Variants in PNMA6F observed in about 807,000 individuals in gnomAD.
PNMA6F encodes the protein paraneoplastic antigen Ma6F.
For missense variants in PNMA6F, 57 were observed against 10.8 expected, an observed-to-expected ratio of 5.25 and a Z score of -5.98; for synonymous variants, 14 against 3.4, an observed-to-expected ratio of 4.15 and a Z score of -3.45.
At position 153,319,514 on chromosome X, in the gene PNMA6F, C is replaced by A. The variant is rs1350319020; in HGVS notation, c.1161G>T (p.Val387=). The part of the protein sequence containing the change: ...AMANHLRLRQ[V]LSRARPSEAL... ...CCTCGCTGGGGCGGGCCCGAGACAG[C>A]ACCTGCCGCAGTCGCAGGTGGTTGG... is the stretch of plus-strand genomic sequence containing the variant. Residue 387 remains valine, a synonymous_variant, in exon 2 of 2, where the codon GTG becomes GTT. Transcript: ENST00000436629. 2 of 297,179 alleles carry A rather than the reference C, an allele frequency of 6.7e-6. No individual in the cohort carries two copies. The highest frequency in any genetic ancestry group is 5.4e-5 in the African/African-American group (2 of 36,863). 24.5% of individuals were successfully genotyped at this position (297,179 alleles called of 1,213,427 possible).
Position 153,320,578 on chromosome X carries a change from C to A in PNMA6F, c.97G>T (p.Glu33Ter), listed in dbSNP as rs782324082. The change falls in exon 2 of 2, where the codon GAG becomes TAG. Residue 33 changes from glutamate (E) to a stop codon, truncating the protein, a stop_gained. Coordinates refer to ENST00000436629, the MANE Select transcript of PNMA6F (RefSeq NM_001354980.2). LOFTEE classifies it low-confidence loss of function (END_TRUNC). ...PDDCEEHEFQ[E>*]AVRAALSPLG... ...GGCGACAGGGCAGCCCGCACGGCCTCCTGGAACTCATGTTCCTCGCAGTCG... is the reference window on the plus strand; with the variant it reads ...GGCGACAGGGCAGCCCGCACGGCCTACTGGAACTCATGTTCCTCGCAGTCG... 2.2e-3 allele frequency: 637 copies of A among 295,665 alleles called. 2 individuals are homozygous for A. Among genetic ancestry groups the A allele is most frequent in the South Asian group, 3.8e-3 (18 of 4,776 alleles). The allele number at this position is 295,665 out of a possible 1,213,427, so 24.4% of individuals were successfully genotyped here. A position where few individuals can be genotyped will look rare whatever the true frequency, so the allele number is the denominator to read the frequency against.
intron 1 of PNMA6F, 29 bp from the exon 2 acceptor site, chrX:153,320,786 A>G: frequency 3.4e-6 from 1 of 294,585 alleles, no homozygotes; most frequent in Non-Finnish European, 5.9e-6. Context: ...GAGAGGGACG[A>G]CGTTGCTGCC....
Position 153,319,890 on chromosome X carries a change from G to C in PNMA6F, c.785C>G (p.Pro262Arg), listed in dbSNP as rs1361772121. 3.3e-6 allele frequency: 1 copy of C among 302,576 alleles called. No individual in the cohort carries two copies. Among genetic ancestry groups the C allele is most frequent in the Non-Finnish European group, 5.7e-6 (1 of 174,317 alleles). 24.9% of individuals were successfully genotyped at this position (302,576 alleles called of 1,213,427 possible). Reference protein sequence around the residue: ...ELRPFSGREQPGCVEESFESW... With the variant: ...ELRPFSGREQRGCVEESFESW... ...CTCAAAGGACTCTTCCACGCAGCCT[G>C]GCTGCTCCCTCCCGGAAAAGGGTCT... The change falls in exon 2 of 2, where the codon CCA (proline) becomes CGA (arginine). Residue 262 changes from proline (P) to arginine (R), a missense_variant. Physicochemically the swap from Pro to Arg is moderately radical, Grantham distance 103. Transcript: ENST00000436629.
rs782078301 is a variant in PNMA6F at position 153,318,532 on chromosome X, G to A, written c.*406C>T. 13 of 123,150 alleles carry A rather than the reference G, an allele frequency of 1.1e-4. No homozygotes were observed. Among genetic ancestry groups the A allele is most frequent in the South Asian group, 1.1e-3 (3 of 2,855 alleles). The allele number at this position is 123,150 out of a possible 1,213,427, so 10.1% of individuals were successfully genotyped here. On this transcript the variant is annotated 3_prime_UTR_variant, in exon 2 of 2. Coordinates refer to ENST00000436629, the MANE Select transcript of PNMA6F (RefSeq NM_001354980.2). ...GTGGGTGAGTGGGCGTCTGCTGTTC[G>A]GACGCGTGGGTCACTATGGGGCCTA...
In PNMA6F at chrX:153,319,421, C is replaced by A. The variant is rs2051979328; in HGVS notation, c.1254G>T (p.Arg418=). 3.4e-6 allele frequency: 1 copy of A among 298,253 alleles called. No individual in the cohort carries two copies. The highest frequency in any genetic ancestry group is 2.0e-4 in the South Asian group (1 of 5,093). The allele number at this position is 298,253 out of a possible 1,213,427, so 24.6% of individuals were successfully genotyped here. A position where few individuals can be genotyped will look rare whatever the true frequency, so the allele number is the denominator to read the frequency against. Residue 418 remains arginine, a synonymous_variant, in exon 2 of 2, where the codon CGG becomes CGT. Transcript: ENST00000436629. ...RRPPDFLRLL[R]LIRDMEAWAA... ...CCCACGCCTCCATGTCCCGGATGAGCCGCAGCAGCCTCAGGAAGTCAGGTG... is the reference window on the plus strand; with the variant it reads ...CCCACGCCTCCATGTCCCGGATGAGACGCAGCAGCCTCAGGAAGTCAGGTG...
At position 153,319,226 on chromosome X, in the gene PNMA6F, C is replaced by T. The variant is rs782502870; in HGVS notation, c.1449G>A (p.Arg483=). 3.0e-5 allele frequency: 9 copies of T among 297,720 alleles called. No individual in the cohort carries two copies. Among genetic ancestry groups the T allele is most frequent in the South Asian group, 2.0e-4 (1 of 5,027 alleles). 24.5% of individuals were successfully genotyped at this position (297,720 alleles called of 1,213,427 possible). Residue 483 remains arginine (R), a synonymous_variant, in exon 2 of 2, where the codon AGG becomes AGA. Transcript: ENST00000436629. ...EAASTTKEAA[R]VAPATGEDEN... Reference sequence around the variant, plus strand: ...CATCTTCCCCAGTGGCAGGGGCAACCCTGGCGGCCTCTTTGGTGGTGGAAG... The same window carrying T: ...CATCTTCCCCAGTGGCAGGGGCAACTCTGGCGGCCTCTTTGGTGGTGGAAG...
At position 153,318,483 on chromosome X, in the gene PNMA6F, T is replaced by A. The variant is rs2051971735; in HGVS notation, c.*455A>T. Reference sequence around the variant, plus strand: ...CACCGATGGGCGCACAGCATACAACTTTGTGTAGGAACAATGGCTAGCGGT... The same window carrying A: ...CACCGATGGGCGCACAGCATACAACATTGTGTAGGAACAATGGCTAGCGGT... On this transcript the variant is annotated 3_prime_UTR_variant, in exon 2 of 2. Coordinates refer to ENST00000436629, the MANE Select transcript of PNMA6F (RefSeq NM_001354980.2). 8.6e-6 allele frequency: 1 copy of A among 116,021 alleles called. No individual in the cohort carries two copies. The highest frequency in any genetic ancestry group is 1.8e-5 in the Non-Finnish European group (1 of 54,790). The allele number at this position is 116,021 out of a possible 1,213,427, so 9.6% of individuals were successfully genotyped here. A position where few individuals can be genotyped will look rare whatever the true frequency, so the allele number is the denominator to read the frequency against.
In PNMA6F at chrX:153,319,903, C is replaced by T. The variant is rs1395833425; in HGVS notation, c.772G>A (p.Gly258Arg). Residue 258 changes from glycine (G) to arginine (R), a missense_variant, in exon 2 of 2, where the codon GGG (glycine) becomes AGG (arginine). Coordinates refer to ENST00000436629, the MANE Select transcript of PNMA6F (RefSeq NM_001354980.2). ...TCCACGCAGCCTGGCTGCTCCCTCC[C>T]GGAAAAGGGTCTCAGTTCCCGGTAG... ...MAYRELRPFS[G>R]REQPGCVEES... The T allele has an allele frequency of 3.3e-5, 10 of 302,116 alleles. No homozygotes were observed. The South Asian group carries it at 9.0e-4, about 27-fold the overall frequency. The allele number at this position is 302,116 out of a possible 1,213,427, so 24.9% of individuals were successfully genotyped here.
Position 153,318,827 on chromosome X carries a change from G to T in PNMA6F, c.*111C>A. The T allele has an allele frequency of 3.4e-6, 1 of 297,724 alleles. No individual in the cohort carries two copies. Among genetic ancestry groups the T allele is most frequent in the Non-Finnish European group, 5.9e-6 (1 of 170,404 alleles). 24.5% of individuals were successfully genotyped at this position (297,724 alleles called of 1,213,427 possible). On this transcript the variant is annotated 3_prime_UTR_variant, in exon 2 of 2. Coordinates refer to ENST00000436629, the MANE Select transcript of PNMA6F (RefSeq NM_001354980.2). ...TGGTGGCCAGGACCCATTAGGGGAG[G>T]TGGGAGGCACAGCTCCCAACATGGG... is the stretch of plus-strand genomic sequence containing the variant.
At position 153,319,544 on chromosome X, in the gene PNMA6F, G is replaced by C; in HGVS notation, c.1131C>G (p.Ala377=). ...GCCGCAGTCGCAGGTGGTTGGCCAT[G>C]GCTGGGTGGACCGCCCCCTTCTCCA... ...KAVEKGAVHP[A]MANHLRLRQV... is the part of the protein sequence containing the mutation. The change falls in exon 2 of 2, where the codon GCC becomes GCG. Residue 377 remains alanine (A), a synonymous_variant. Transcript: ENST00000436629. The C allele has an allele frequency of 3.4e-6, 1 of 298,290 alleles. No individual in the cohort carries two copies. Among genetic ancestry groups the C allele is most frequent in the Non-Finnish European group, 5.9e-6 (1 of 170,490 alleles). The allele number at this position is 298,290 out of a possible 1,213,427, so 24.6% of individuals were successfully genotyped here.
chrX:153,320,088 C>CTG lies in PNMA6F; in HGVS notation c.586_587insCA (p.Gly196AlafsTer31). 2.7e-6 allele frequency: 1 copy of CTG among 367,780 alleles called. No homozygotes were observed. 30.3% of individuals were successfully genotyped at this position (367,780 alleles called of 1,213,427 possible). ...ACCTGCACCTCCTTCCTCACCTGTA[C>CTG]CTCCTTCCTCACCTGCACCTCCTGC... On this transcript the variant is annotated frameshift_variant, in exon 2 of 2. Transcript: ENST00000436629. LOFTEE classifies it low-confidence loss of function (END_TRUNC).
At position 153,319,625 on chromosome X, in the gene PNMA6F, G is replaced by A. The variant is rs1225461669; in HGVS notation, c.1050C>T (p.Pro350=). The change falls in exon 2 of 2, where the codon CCC becomes CCT. Residue 350 remains proline, a synonymous_variant. Transcript: ENST00000436629. ...RMKFLTCTQG[P]QEGLFAFVVR... ...CCACGAAGGCAAACAGCCCCTCCTG[G>A]GGCCCCTGCGTGCAGGTCAGGAACT... 3.4e-6 allele frequency: 1 copy of A among 297,135 alleles called. No homozygotes were observed. 24.5% of individuals were successfully genotyped at this position (297,135 alleles called of 1,213,427 possible). A position where few individuals can be genotyped will look rare whatever the true frequency, so the allele number is the denominator to read the frequency against.
Position 153,319,701 on chromosome X carries a change from G to A in PNMA6F, c.974C>T (p.Ala325Val), listed in dbSNP as rs1476190986. Reference sequence around the variant, plus strand: ...CCGGCTCCTAAACACCTGCCCCAGCGCCGTCAGGCAGTCCTGCGCAGAGAA... The same window carrying A: ...CCGGCTCCTAAACACCTGCCCCAGCACCGTCAGGCAGTCCTGCGCAGAGAA... ...PDFSAQDCLT[A>V]LGQVFRSRDT... Residue 325 changes from alanine to valine, a missense_variant, in exon 2 of 2, where the codon GCG (alanine) becomes GTG (valine). Transcript: ENST00000436629. 1.7e-5 allele frequency: 5 copies of A among 297,359 alleles called. No individual in the cohort carries two copies. Among genetic ancestry groups the A allele is most frequent in the African/African-American group, 2.7e-5 (1 of 36,829 alleles). 24.5% of individuals were successfully genotyped at this position (297,359 alleles called of 1,213,427 possible).
chrX:153,318,786 T>C lies in PNMA6F; in HGVS notation c.*152A>G. 3.4e-6 allele frequency: 1 copy of C among 296,091 alleles called. No individual in the cohort carries two copies. The highest frequency in any genetic ancestry group is 5.9e-6 in the Non-Finnish European group (1 of 169,598). 24.4% of individuals were successfully genotyped at this position (296,091 alleles called of 1,213,427 possible). On this transcript the variant is annotated 3_prime_UTR_variant, in exon 2 of 2. Transcript: ENST00000436629. Reference sequence around the variant, plus strand: ...TATCAAACGTGGTCATCTGAGTCACTGGGAAGGGCTGGTGGTGGTGGCCAG... The same window carrying C: ...TATCAAACGTGGTCATCTGAGTCACCGGGAAGGGCTGGTGGTGGTGGCCAG...
At position 153,320,034 on chromosome X, in the gene PNMA6F, C is replaced by T. The variant is rs957556866; in HGVS notation, c.641G>A (p.Gly214Asp). The change falls in exon 2 of 2, where the codon GGT becomes GAT. Residue 214 changes from glycine (G) to aspartate (D), a missense_variant. Transcript: ENST00000436629. ...GEAGGAGEEG[G>D]EDEAGAAGEA... ...ACCTGCAGCTCCTGCCTCATCTTCA[C>T]CTCCTTCCTCACCTGCGCCTCCTGC... 8.5e-6 allele frequency: 3 copies of T among 351,120 alleles called. No individual in the cohort carries two copies. Among genetic ancestry groups the T allele is most frequent in the African/African-American group, 8.1e-5 (3 of 36,936 alleles). 28.9% of individuals were successfully genotyped at this position (351,120 alleles called of 1,213,427 possible). A position where few individuals can be genotyped will look rare whatever the true frequency, so the allele number is the denominator to read the frequency against.
chrX:153,321,584 G>T lies in PNMA6F; in HGVS notation c.-116C>A, dbSNP rs1008591890. ...GACTCTGCGGACGCTGCGACCACCC[G>T]CGGAAAAACGCCGCCTTCAAGCTGT... On this transcript the variant is annotated 5_prime_UTR_variant, in exon 1 of 2. Coordinates refer to ENST00000436629, the MANE Select transcript of PNMA6F (RefSeq NM_001354980.2). 9.4e-6 allele frequency: 1 copy of T among 106,434 alleles called. No homozygotes were observed. Among genetic ancestry groups the T allele is most frequent in the African/African-American group, 3.4e-5 (1 of 29,002 alleles). 8.8% of individuals were successfully genotyped at this position (106,434 alleles called of 1,213,427 possible).
In PNMA6F at chrX:153,319,194, G is replaced by T; in HGVS notation, c.1481C>A (p.Ala494Asp). 3.3e-6 allele frequency: 1 copy of T among 298,586 alleles called. No homozygotes were observed. Among genetic ancestry groups the T allele is most frequent in the Non-Finnish European group, 5.9e-6 (1 of 170,609 alleles). The allele number at this position is 298,586 out of a possible 1,213,427, so 24.6% of individuals were successfully genotyped here. The change falls in exon 2 of 2, where the codon GCC becomes GAC. Residue 494 changes from alanine (A) to aspartate (D), a missense_variant. Transcript: ENST00000436629. ...ACCTAGGCCTTCAAGGCCTGCAGGG[G>T]CATTTTCATCTTCCCCAGTGGCAGG... The part of the protein sequence containing the change: ...VAPATGEDEN[A>D]PAGLEGLGQG...
rs1266928881 is a variant in PNMA6F at position 153,321,703 on chromosome X, T to C, written c.-235A>G. On this transcript the variant is annotated 5_prime_UTR_variant, in exon 1 of 2. Transcript: ENST00000436629. ...GGCCGCGCTGCGCAGCGCAGGGGTCTCCAAAGCCCGCTGTGCTAAGACTAC... is the reference window on the plus strand; with the variant it reads ...GGCCGCGCTGCGCAGCGCAGGGGTCCCCAAAGCCCGCTGTGCTAAGACTAC... 9.2e-6 allele frequency: 1 copy of C among 108,807 alleles called. No homozygotes were observed. Among genetic ancestry groups the C allele is most frequent in the African/African-American group, 3.4e-5 (1 of 29,752 alleles). The allele number at this position is 108,807 out of a possible 1,213,427, so 9.0% of individuals were successfully genotyped here.
At position 153,319,924 on chromosome X, in the gene PNMA6F, G is replaced by A. The variant is rs1038553562; in HGVS notation, c.751C>T (p.Arg251Trp). 2.0e-5 allele frequency: 6 copies of A among 302,405 alleles called. No homozygotes were observed. Among genetic ancestry groups the A allele is most frequent in the Non-Finnish European group, 3.4e-5 (6 of 174,182 alleles). The allele number at this position is 302,405 out of a possible 1,213,427, so 24.9% of individuals were successfully genotyped here. A position where few individuals can be genotyped will look rare whatever the true frequency, so the allele number is the denominator to read the frequency against. ...CTCCCGGAAAAGGGTCTCAGTTCCC[G>A]GTAGGCCATAGTTTTCACCAGAGGC... ...LRPLVKTMAY[R>W]ELRPFSGREQ... is the part of the protein sequence containing the mutation. Residue 251 changes from arginine (R) to tryptophan (W), a missense_variant, in exon 2 of 2, where the codon CGG becomes TGG. Arg to Trp is a moderately radical substitution (Grantham distance 101, BLOSUM62 -3). Transcript: ENST00000436629.
Sources: gnomAD v4.1 joint callset for allele counts on GRCh38, gnomAD v4.1.1 for gene constraint, MANE v1.5 for transcripts, NCBI Gene and HGNC (gene_info 2026-07-23, HGNC 2026-07-21) for gene names.